The following NDRG2 variants were observed in gnomAD, a reference collection of about 807,000 sequenced individuals.
The protein encoded by NDRG2 is NDRG family member 2, also known as protein NDRG2.
Under a neutral mutation model 58.2 loss-of-function variants are expected in NDRG2, and 34 were observed. The ratio of observed to expected loss-of-function variants is 0.58; its 90% CI spans 0.44 to 0.78. NDRG2 has a LOEUF of 0.78. NDRG2 is among the 30% of genes least tolerant of loss of function. NDRG2 has a pLI of 0.00. For missense variants in NDRG2, 434 were observed against 471.2 expected (o/e 0.92, Z 0.73); for synonymous variants, 187 against 175.9 (o/e 1.06, Z -0.50).
intron 1 of NDRG2, among the ~76,000 whole-genome samples, chr14:21,052,813 A>T (rs1173154162): frequency 6.6e-6 from 1 of 152,204 alleles, no homozygotes; most frequent in Non-Finnish European, 1.5e-5. Flanking sequence ...TGCTCAATTA[A>T]ACTCAGGAGA....
chr14:21,029,060 C>G (rs149522628), upstream of NDRG2: 1 of 152,262 alleles, frequency 6.6e-6, no homozygotes, highest in South Asian at 2.1e-4. Context: ...AGAATCTGAG[C>G]CTCACCCTCA....
intron 1 of NDRG2, among the ~76,000 whole-genome samples, chr14:21,040,596 A>G (rs1173420107): frequency 6.6e-6 from 1 of 152,122 alleles, no homozygotes; most frequent in East Asian, 1.9e-4. Context: ...AGGCCTTCAA[A>G]TGGTCCGTAA....
chr14:21,031,376 G>A (rs1884118691), intron 1 of NDRG2: 1 of 566,586 alleles, frequency 1.8e-6, no homozygotes, highest in Non-Finnish European at 2.9e-6. Flanking sequence ...AGTAGATTTA[G>A]ACTAATTTCC....
chr14:21,043,686 A>G lies in NDRG2; in HGVS notation c.25-20365T>C, dbSNP rs111244969. 1,031 of 523,904 alleles carry G rather than the reference A, an allele frequency of 2.0e-3. 7 individuals are homozygous for G. The highest frequency in any genetic ancestry group is 0.018 in the African/African-American group (944 of 52,078). The allele number at this position is 523,904 out of a possible 1,614,324, so 32.5% of individuals were successfully genotyped here. A position where few individuals can be genotyped will look rare whatever the true frequency, so the allele number is the denominator to read the frequency against. The stretch of plus-strand genomic sequence containing the variant: ...TCCCAGATGCTTATCCCCAAGAAAC[A>G]GCAAGCTCAGGTCTGTGGGTTCCCT... On this transcript the variant is annotated intron_variant, in intron 1 of 14. Coordinates refer to the NDRG2 transcript ENST00000403829.
intron 1 of NDRG2, chr14:21,033,181 G>A (rs562786522): frequency 4.6e-5 from 17 of 366,956 alleles, no homozygotes; most frequent in African/African-American, 2.8e-4. Flanking sequence ...TGTTGGGAGT[G>A]TGGGGGAGAC....
chr14:21,040,624 G>C (rs1033347366), intron 1 of NDRG2, among the ~76,000 whole-genome samples: 1 of 152,118 alleles, frequency 6.6e-6, no homozygotes, highest in Non-Finnish European at 1.5e-5. Context: ...CAATGACCTG[G>C]TCTCTGGTCC....
At chr14:21,048,169 T>C (rs551107489) in intron 1 of NDRG2, 1 of 152,172 alleles carries the variant, frequency 6.6e-6, no homozygotes, top group Admixed American at 6.5e-5. Flanking sequence ...CTTCAAAGAC[T>C]TCAGAGCTTC....
Position 21,017,977 on chromosome 14 carries a change from C to T in NDRG2, c.949+10G>A. ...CCTCTAGTGCAGCAAGCTCTTGTCCCGATACTCACTGTAGCCCATGCCTTG... is the reference window on the plus strand; with the variant it reads ...CCTCTAGTGCAGCAAGCTCTTGTCCTGATACTCACTGTAGCCCATGCCTTG... On this transcript the variant is annotated intron_variant, in intron 15 of 15. Transcript: ENST00000556147. The T allele has an allele frequency of 6.2e-7, 1 of 1,614,186 alleles. No individual in the cohort carries two copies. The highest frequency in any genetic ancestry group is 2.2e-5 in the East Asian group (1 of 44,882).
chr14:21,063,513 C>T (rs1196864934), intron 1 of NDRG2, among the ~76,000 whole-genome samples: 3 of 151,934 alleles, frequency 2.0e-5, no homozygotes, highest in African/African-American at 4.8e-5. Context: ...GGGCAGAGAC[C>T]TGGAGGTAGA....
chr14:21,019,310 G>T, intron 10 of NDRG2, 150 bp from the exon 11 acceptor site: 1 of 756,696 alleles, frequency 1.3e-6, no homozygotes, highest in Non-Finnish European at 2.1e-6. Flanking sequence ...GAAAGGGGCA[G>T]GCAGGCCCCA....
Position 21,070,299 on chromosome 14 carries a change from T to G in NDRG2, c.24+529A>C. The G allele has an allele frequency of 7.5e-7, 1 of 1,328,996 alleles. No homozygotes were observed. The highest frequency in any genetic ancestry group is 9.7e-7 in the Non-Finnish European group (1 of 1,032,088). 82.3% of individuals were successfully genotyped at this position (1,328,996 alleles called of 1,614,324 possible). A position where few individuals can be genotyped will look rare whatever the true frequency, so the allele number is the denominator to read the frequency against. ...CGCCACCGCGGCCGGAGCTGTCCCT[T>G]AGCCAGACCCGGCGAGACACGAGCG... On this transcript the variant is annotated intron_variant, in intron 1 of 14. Coordinates refer to the NDRG2 transcript ENST00000403829. The surrounding 1 kb of genome is among the most constrained non-coding windows in gnomAD (Gnocchi z 4.7).
At chr14:21,043,976 T>C (rs1594498652) in intron 1 of NDRG2, 1 of 169,824 alleles carries the variant, frequency 5.9e-6, no homozygotes, top group East Asian at 1.9e-4. Flanking sequence ...TCTTTATGGA[T>C]GAGGAAATTA....
intron 1 of NDRG2, chr14:21,048,427 C>T (rs1165482099): frequency 2.0e-5 from 3 of 152,080 alleles, no homozygotes; most frequent in Non-Finnish European, 4.4e-5. Flanking sequence ...TGATAGAACG[C>T]CTCTTAGCTT....
At chr14:21,020,043 C>A in intron 8 of NDRG2, 67 bp from the exon 9 acceptor site, 1 of 1,485,696 alleles carries the variant, frequency 6.7e-7, no homozygotes, top group Non-Finnish European at 9.4e-7. Context: ...CGTCTGTAAT[C>A]CCAGCACTTT....
upstream of NDRG2, chr14:21,025,276 C>T (rs1012053381): frequency 5.5e-6 from 5 of 912,396 alleles, no homozygotes; most frequent in Non-Finnish European, 6.6e-6. The surrounding 1 kb of genome is among the most constrained non-coding windows in gnomAD (Gnocchi z 5.1). Flanking sequence ...AGGCTCTGCT[C>T]GGCTCACCAA....
At chr14:21,027,196 C>A (rs1243453), upstream of NDRG2, among the ~76,000 whole-genome samples, 95,015 of 151,574 alleles carry the variant, frequency 0.63, 32,070 homozygotes, top group East Asian at 0.88. Flanking sequence ...GGCTGGTTCT[C>A]CCCTAAGATA....
chr14:21,062,372 A>C (rs1464730596), intron 1 of NDRG2, among the ~76,000 whole-genome samples: 1 of 152,194 alleles, frequency 6.6e-6, no homozygotes, highest in Non-Finnish European at 1.5e-5. Flanking sequence ...TGCGACTGGC[A>C]GTGGAGCCCT....
At position 21,021,475 on chromosome 14, in the gene NDRG2, T is replaced by C. The variant is rs186216048; in HGVS notation, c.407+342A>G. On this transcript the variant is annotated intron_variant, in intron 6 of 15. Transcript: ENST00000556147. ...GGTGTGGGCATGAAGGAGAGGGGAGTGGGAGAGAAAGAGACAGGTCTATCT... is the reference window on the plus strand; with the variant it reads ...GGTGTGGGCATGAAGGAGAGGGGAGCGGGAGAGAAAGAGACAGGTCTATCT... 4.3e-5 allele frequency: 14 copies of C among 326,264 alleles called. No individual in the cohort carries two copies. In the East Asian group the frequency reaches 5.5e-4, roughly 13 times the overall value. The allele number at this position is 326,264 out of a possible 1,614,324, so 20.2% of individuals were successfully genotyped here.
At chr14:21,052,883 G>A (rs999156337) in intron 1 of NDRG2, among the ~76,000 whole-genome samples, 1 of 152,210 alleles carries the variant, frequency 6.6e-6, no homozygotes, top group African/African-American at 2.4e-5. Context: ...GCAGTGGAAA[G>A]GGAGAGAAAT....
Sources: gnomAD v4.1 joint callset for allele counts (sites outside exome capture counted in the v4.1 genomes callset) on GRCh38, gnomAD v4.1.1 for gene constraint, Gnocchi (gnomAD v3.1) non-coding constraint, MANE v1.5 for transcripts, NCBI Gene and HGNC (gene_info 2026-07-23, HGNC 2026-07-21) for gene names.